ZKSCAN4: variants seen among roughly 807,000 people sequenced by gnomAD.
ZKSCAN4 encodes zinc finger protein with KRAB and SCAN domains 4.
In ZKSCAN4, 23 loss-of-function variants were observed where a neutral mutation model predicts 30.8. The observed-to-expected ratio is 0.75, with a 90% confidence interval of 0.54 to 1.06. The LOEUF is 1.06. ZKSCAN4 is among the 50% of genes least tolerant of loss of function. ZKSCAN4 has a pLI of 0.00. For missense variants in ZKSCAN4, 556 were observed against 665.4 expected (o/e 0.84, Z 1.81); for synonymous variants, 208 against 252.5 (o/e 0.82, Z 1.67).
chr6:28,259,064 G>T, the ZKSCAN4 span, among the ~76,000 whole-genome samples: 1 of 152,160 alleles, frequency 6.6e-6, no homozygotes, highest in South Asian at 2.1e-4. Context: ...TCGAAAAAGA[G>T]AAGTGGGTGT....
chr6:28,243,526 C>T lies in ZKSCAN4; in HGVS notation c.*1590G>A, dbSNP rs958184608. On this transcript the variant is annotated 3_prime_UTR_variant, in exon 5 of 5. Coordinates refer to ENST00000377294, the MANE Select transcript of ZKSCAN4 (RefSeq NM_019110.5). ...TGATTTGGGTGAAAGCAGAAGATAT[C>T]AAAAAATTCTTATTTCTTGTGAATA... 5.9e-5 allele frequency among the ~76,000 whole-genome samples: 9 copies of T among 152,076 alleles called. No individual in the cohort carries two copies. Among genetic ancestry groups the T allele is most frequent in the Non-Finnish European group, 1.3e-4 (9 of 68,006 alleles).
At position 28,245,861 on chromosome 6, in the gene ZKSCAN4, G is replaced by T. The variant is rs1333722079; in HGVS notation, c.893C>A (p.Ala298Glu). 4.3e-6 allele frequency: 7 copies of T among 1,614,062 alleles called. No homozygotes were observed. In the African/African-American group the frequency reaches 8.0e-5, roughly 18 times the overall value. The change falls in exon 5 of 5, where the codon GCA becomes GAA. Residue 298 changes from alanine to glutamate, a missense_variant. Around this residue, in one of 3 missense-constraint regions of ZKSCAN4, gnomAD observed 433 missense variants for 511.5 expected, o/e 0.85. Coordinates refer to ENST00000377294, the MANE Select transcript of ZKSCAN4 (RefSeq NM_019110.5). ...CCTGCCCTCCTGTTCACCAGCTTCT[G>T]CATGTGTAGGAATCTGGGCAATGTC... ...REDIAQIPTH[A>E]EAGEQEGRLQ...
rs1401961162 is a variant in ZKSCAN4, at chr6:28,245,439, T to C, written c.1315A>G (p.Lys439Glu). ...AGATGTGAATTCCGCCTAAAGGCTT[T>C]GCCACACATATTGCACTGGTATGGC... is the stretch of plus-strand genomic sequence containing the variant. ...EKPYQCNMCG[K>E]AFRRNSHLLR... The change falls in exon 5 of 5, where the codon AAA becomes GAA. Residue 439 changes from lysine to glutamate, a missense_variant. Lys to Glu is a moderately conservative substitution (Grantham distance 56). Transcript: ENST00000377294. 6.2e-7 allele frequency: 1 copy of C among 1,614,248 alleles called. No homozygotes were observed. The highest frequency in any genetic ancestry group is 1.1e-5 in the South Asian group (1 of 91,082).
upstream of ZKSCAN4, among the ~76,000 whole-genome samples, chr6:28,254,816 C>T (rs935494263): frequency 5.3e-5 from 8 of 152,182 alleles, no homozygotes; most frequent in South Asian, 2.1e-4. Flanking sequence ...TTTATAAAGA[C>T]GTTAAACAAG....
At chr6:28,253,493 T>A (rs561066570), upstream of ZKSCAN4, among the ~76,000 whole-genome samples, 1 of 152,348 alleles carries the variant, frequency 6.6e-6, no homozygotes, top group Non-Finnish European at 1.5e-5. This position sits in a 1 kb window ranked among gnomAD's most constrained non-coding sequence, Gnocchi z 4.2. Flanking sequence ...TAGGGGGCAC[T>A]GCCCATGAAG....
At chr6:28,256,260 GTT>G (rs1761171725), upstream of ZKSCAN4, among the ~76,000 whole-genome samples, 2 of 151,922 alleles carry the variant, frequency 1.3e-5, no homozygotes, top group African/African-American at 4.8e-5. Context: ...ACAGGGTCTA[GTT>G]CTACAAAAAA....
chr6:28,245,791 A>T lies in ZKSCAN4; in HGVS notation c.963T>A (p.Tyr321Ter), dbSNP rs754877844. 6.2e-7 allele frequency: 1 copy of T among 1,614,240 alleles called. No homozygotes were observed. The highest frequency in any genetic ancestry group is 8.5e-7 in the Non-Finnish European group (1 of 1,180,044). The change falls in exon 5 of 5, where the codon TAT becomes TAA. Residue 321 changes from tyrosine (Y) to a stop codon, truncating the protein, a stop_gained. Coordinates refer to ENST00000377294, the MANE Select transcript of ZKSCAN4 (RefSeq NM_019110.5). LOFTEE classifies it low-confidence loss of function (END_TRUNC). ...CAAAACTCTTTCCACATTCATGGCA[A>T]TAATGTCGCCTACTCCCTATGGCAT... ...QKNAIGSRRH[Y>*]CHECGKSFAQ...
At position 28,245,057 on chromosome 6, in the gene ZKSCAN4, T is replaced by G; in HGVS notation, c.*59A>C. ...CACAATTTCTGTAACCATTAAGGGC[T>G]CCAGGGTGGCTTCAGTTCAGTGACA... On this transcript the variant is annotated 3_prime_UTR_variant, in exon 5 of 5. Transcript: ENST00000377294. 1 of 1,610,578 alleles carries G rather than the reference T, an allele frequency of 6.2e-7. No homozygotes were observed. The highest frequency in any genetic ancestry group is 1.1e-5 in the South Asian group (1 of 90,710).
rs1173428909 is a variant in ZKSCAN4 at position 28,241,993 on chromosome 6, C to CT, written c.*3122dup. ...ATCCAAGAGTGCCATTCATCAAAAG[C>CT]TTTTTTCATTATAACCATTCATTCT... On this transcript the variant is annotated 3_prime_UTR_variant, in exon 5 of 5. Coordinates refer to ENST00000377294, the MANE Select transcript of ZKSCAN4 (RefSeq NM_019110.5). 6.6e-6 allele frequency among the ~76,000 whole-genome samples: 1 copy of CT among 152,020 alleles called. No individual in the cohort carries two copies. The highest frequency in any genetic ancestry group is 2.4e-5 in the African/African-American group (1 of 41,384).
At chr6:28,253,428 T>C (rs959124356), upstream of ZKSCAN4, among the ~76,000 whole-genome samples, 3 of 152,346 alleles carry the variant, frequency 2.0e-5, no homozygotes, top group Non-Finnish European at 4.4e-5. This position sits in a 1 kb window ranked among gnomAD's most constrained non-coding sequence, Gnocchi z 4.2. Context: ...CCAAAGACTG[T>C]TGCAAATGAA....
chr6:28,252,252 A>T lies in ZKSCAN4; in HGVS notation c.-272T>A, dbSNP rs1318448786. On this transcript the variant is annotated 5_prime_UTR_variant, in exon 1 of 5. Transcript: ENST00000377294. ...GTGAAAGTGATCACTCTCCAGACATAGGAGGGAAGTTGAGGCTGGGGCACA... is the reference window on the plus strand; with the variant it reads ...GTGAAAGTGATCACTCTCCAGACATTGGAGGGAAGTTGAGGCTGGGGCACA... 1.4e-5 allele frequency: 4 copies of T among 294,412 alleles called. No individual in the cohort carries two copies. The highest frequency in any genetic ancestry group is 8.7e-5 in the African/African-American group (4 of 45,984). The allele number at this position is 294,412 out of a possible 1,614,324, so 18.2% of individuals were successfully genotyped here. A position where few individuals can be genotyped will look rare whatever the true frequency, so the allele number is the denominator to read the frequency against.
chr6:28,243,078 G>A lies in ZKSCAN4; in HGVS notation c.*2038C>T, dbSNP rs1760557504. ...TCAGAGCTATTTAGCAAATATTTAG[G>A]AGAAGTGAAAAAGGAGAAAAGGAAA... On this transcript the variant is annotated 3_prime_UTR_variant, in exon 5 of 5. Coordinates refer to ENST00000377294, the MANE Select transcript of ZKSCAN4 (RefSeq NM_019110.5). 6.6e-6 allele frequency among the ~76,000 whole-genome samples: 1 copy of A among 152,150 alleles called. No individual in the cohort carries two copies. Among genetic ancestry groups the A allele is most frequent in the Admixed American group, 6.5e-5 (1 of 15,284 alleles).
At chr6:28,246,140 G>T in intron 4 of ZKSCAN4, 165 bp from the exon 5 acceptor site, 2 of 933,208 alleles carry the variant, frequency 2.1e-6, no homozygotes, top group Non-Finnish European at 3.2e-6. Flanking sequence ...CAGGGGTGCT[G>T]GGGAGGAAGG....
At chr6:28,256,576 T>G (rs1463555795), upstream of ZKSCAN4, among the ~76,000 whole-genome samples, 1 of 152,266 alleles carries the variant, frequency 6.6e-6, no homozygotes, top group Non-Finnish European at 1.5e-5. Context: ...CCTTGATAAT[T>G]AAAATGTATT....
upstream of ZKSCAN4, among the ~76,000 whole-genome samples, chr6:28,252,795 T>TC (rs1364732692): frequency 6.6e-6 from 1 of 151,904 alleles, no homozygotes; most frequent in Non-Finnish European, 1.5e-5. Flanking sequence ...ACTGTCCCAC[T>TC]CCCCCACTCA....
chr6:28,251,922 G>T lies in ZKSCAN4; in HGVS notation c.59C>A (p.Thr20Lys). 6.5e-7 allele frequency: 1 copy of T among 1,528,574 alleles called. No individual in the cohort carries two copies. The highest frequency in any genetic ancestry group is 8.7e-7 in the Non-Finnish European group (1 of 1,143,674). 94.7% of individuals were successfully genotyped at this position (1,528,574 alleles called of 1,614,324 possible). ...ALDAQSAEDQTGLLTVKVEKE... is the reference protein window; with the variant it reads ...ALDAQSAEDQKGLLTVKVEKE... ...CTCCACCTTCACGGTCAGGAGCCCC[G>T]TCTGGTCTTCTGCAGACTGGGCGTC... The change falls in exon 1 of 5, where the codon ACG becomes AAG. Residue 20 changes from threonine (T) to lysine (K), a missense_variant. Physicochemically the swap from Thr to Lys is moderately conservative, Grantham distance 78. Coordinates refer to ENST00000377294, the MANE Select transcript of ZKSCAN4 (RefSeq NM_019110.5). The surrounding 1 kb of genome is among the most constrained non-coding windows in gnomAD (Gnocchi z 4.5).
In ZKSCAN4 at chr6:28,245,266, G is replaced by C. The variant is rs756503918; in HGVS notation, c.1488C>G (p.Phe496Leu). The change falls in exon 5 of 5, where the codon TTC (phenylalanine) becomes TTG (leucine). Residue 496 changes from phenylalanine to leucine, a missense_variant. Around this residue, in one of 3 missense-constraint regions of ZKSCAN4, gnomAD observed 433 missense variants for 511.5 expected, o/e 0.85. Transcript: ENST00000377294. Reference protein sequence around the residue: ...SYKCNECERSFTRNRSLIEHQ... With the variant: ...SYKCNECERSLTRNRSLIEHQ... ...GTTCAATAAGACTTCTATTCCGTGT[G>C]AAACTTCTCTCACACTCATTACATT... The C allele has an allele frequency of 6.2e-7, 1 of 1,613,346 alleles. No homozygotes were observed. Among genetic ancestry groups the C allele is most frequent in the African/African-American group, 1.3e-5 (1 of 74,662 alleles).
chr6:28,246,943 A>G, intron 4 of ZKSCAN4, 26 bp downstream of exon 4: 2 of 1,592,148 alleles, frequency 1.3e-6, no homozygotes, highest in Non-Finnish European at 8.5e-7. Flanking sequence ...AAGAAATCTT[A>G]AGACAAATTA....
chr6:28,244,843 A>C lies in ZKSCAN4; in HGVS notation c.*273T>G, dbSNP rs760036398. ...GCTGAGGGCAATTAACAAGTCCAGA[A>C]GGCCATTTAAATACACTGGGTGAGA... On this transcript the variant is annotated 3_prime_UTR_variant, in exon 5 of 5. Transcript: ENST00000377294. The C allele has an allele frequency of 4.1e-5, 19 of 464,350 alleles. No homozygotes were observed. In the Admixed American group the frequency reaches 6.0e-4, roughly 15 times the overall value. The allele number at this position is 464,350 out of a possible 1,614,324, so 28.8% of individuals were successfully genotyped here. A position where few individuals can be genotyped will look rare whatever the true frequency, so the allele number is the denominator to read the frequency against.
Sources: gnomAD v4.1 joint callset for allele counts (sites outside exome capture counted in the v4.1 genomes callset) on GRCh38, gnomAD v4.1.1 for gene constraint, gnomAD v4.1.1 regional missense constraint, Gnocchi (gnomAD v3.1) non-coding constraint, MANE v1.5 for transcripts, NCBI Gene and HGNC (gene_info 2026-07-23, HGNC 2026-07-21) for gene names.